Variants in EDC4 observed in about 807,000 individuals in gnomAD.
EDC4 encodes enhancer of mRNA decapping 4, also known as enhancer of mRNA-decapping protein 4.
In EDC4, 64 loss-of-function variants were observed where a neutral mutation model predicts 155.8. The observed-to-expected ratio is 0.41, with a 90% CI of 0.34 to 0.51. The LOEUF is 0.51. EDC4 is among the 20% of genes least tolerant of loss of function. The pLI is 0.19. For missense variants in EDC4, 1,303 were observed against 1,812.5 expected (o/e 0.72, Z 5.10); for synonymous variants, 684 against 716.8 (o/e 0.95, Z 0.73).
At position 67,876,165 on chromosome 16, in the gene EDC4, A is replaced by T. The variant is rs2058040522; in HGVS notation, c.239+64A>T. On this transcript the variant is annotated intron_variant, in intron 2 of 28. Transcript: ENST00000358933. The surrounding 1 kb of genome is among the most constrained non-coding windows in gnomAD (Gnocchi z 5.8). ...TTTGGGGTGTCTGCTAGCTGAAGGC[A>T]TGAGATGGGGAGTGAGCGGGGCCAG... The T allele has an allele frequency of 3.2e-6, 5 of 1,545,698 alleles. No homozygotes were observed. The South Asian group carries it at 5.7e-5, about 18-fold the overall frequency.
Position 67,880,849 on chromosome 16 carries a change from G to A in EDC4, c.2390G>A (p.Gly797Glu). The A allele has an allele frequency of 1.2e-6, 2 of 1,613,964 alleles. No individual in the cohort carries two copies. The highest frequency in any genetic ancestry group is 1.7e-6 in the Non-Finnish European group (2 of 1,179,994). ...CTCGGCCCCCAGCTCGGGCTTGATG[G>A]AGGCCCTGGGGATGGAGATCGGCAT... ...PELGPQLGLD[G>E]GPGDGDRHNT... Residue 797 changes from glycine (G) to glutamate (E), a missense_variant, in exon 18 of 29, where the codon GGA (glycine) becomes GAA (glutamate). Around this residue, in one of 5 missense-constraint regions of EDC4, gnomAD observed 391 missense variants for 445.4 expected, o/e 0.88. Transcript: ENST00000358933. The surrounding 1 kb of genome is among the most constrained non-coding windows in gnomAD (Gnocchi z 5.2).
At position 67,878,716 on chromosome 16, in the gene EDC4, C is replaced by T. The variant is rs756200124; in HGVS notation, c.1185-21C>T. ...TTCCTTCAGTTCTCAGGCTCATTCA[C>T]TCTGCTTTGTGGCTCTCTAGCTTCT... On this transcript the variant is annotated intron_variant, in intron 10 of 28. Transcript: ENST00000358933. This position sits in a 1 kb window ranked among gnomAD's most constrained non-coding sequence, Gnocchi z 5.2. 9.3e-6 allele frequency: 15 copies of T among 1,614,196 alleles called. No individual in the cohort carries two copies. The East Asian group carries it at 2.7e-4, about 29-fold the overall frequency.
Position 67,878,744 on chromosome 16 carries a change from C to T in EDC4, c.1192C>T (p.Pro398Ser). The change falls in exon 11 of 29, where the codon CCA (proline) becomes TCA (serine). Residue 398 changes from proline to serine, a missense_variant. Coordinates refer to ENST00000358933, the MANE Select transcript of EDC4 (RefSeq NM_014329.5). The surrounding 1 kb of genome is among the most constrained non-coding windows in gnomAD (Gnocchi z 5.2). ...TGCTTTGTGGCTCTCTAGCTTCTCC[C>T]CAGATATCTTCAGCTCAGTGAGTGT... ...WTCLQTIRFS[P>S]DIFSSVSVPP... 2 of 1,614,148 alleles carry T rather than the reference C, an allele frequency of 1.2e-6. No homozygotes were observed. The highest frequency in any genetic ancestry group is 1.7e-6 in the Non-Finnish European group (2 of 1,180,026).
In EDC4 at chr16:67,878,343, CATCTGCCT is replaced by C; in HGVS notation, c.1005-15_1005-8del. The C allele has an allele frequency of 1.2e-6, 2 of 1,614,244 alleles. No homozygotes were observed. Among genetic ancestry groups the C allele is most frequent in the South Asian group, 2.2e-5 (2 of 91,088 alleles). ...CACCCGACCACTCACTCAGGCCCCTCATCTGCCTACCTGCAGGTGTCTGCACGAGTGGA... is the reference window on the plus strand; with the variant it reads ...CACCCGACCACTCACTCAGGCCCCTCACCTGCAGGTGTCTGCACGAGTGGA... On this transcript the variant is annotated splice_polypyrimidine_tract_variant and intron_variant, in intron 8 of 28. Transcript: ENST00000358933. The surrounding 1 kb of genome is among the most constrained non-coding windows in gnomAD (Gnocchi z 5.2).
Position 67,878,535 on chromosome 16 carries a change from G to T in EDC4, c.1089-1G>T. The T allele has an allele frequency of 6.2e-7, 1 of 1,614,250 alleles. No homozygotes were observed. Among genetic ancestry groups the T allele is most frequent in the Non-Finnish European group, 8.5e-7 (1 of 1,180,032 alleles). On this transcript the variant is annotated splice_acceptor_variant, in intron 9 of 28. Transcript: ENST00000358933. LOFTEE classifies it high-confidence loss of function. This position sits in a 1 kb window ranked among gnomAD's most constrained non-coding sequence, Gnocchi z 5.2. ...TCACTCACTGCCTTGTTGCCTTGCA[G>T]TGTCCCTTTCTGGAGGTTCCTTATT...
At chr16:67,875,080 T>C (rs890985682) in intron 1 of EDC4, among the ~76,000 whole-genome samples, 3 of 152,198 alleles carry the variant, frequency 2.0e-5, no homozygotes, top group Admixed American at 2.0e-4. Flanking sequence ...ACTTGCTATG[T>C]TCTGAATGTG....
Position 67,882,099 on chromosome 16 carries a change from A to G in EDC4, c.3150A>G (p.Thr1050=). The G allele has an allele frequency of 6.2e-7, 1 of 1,613,864 alleles. No homozygotes were observed. The highest frequency in any genetic ancestry group is 1.7e-5 in the Admixed American group (1 of 59,984). Residue 1050 remains threonine (T), a synonymous_variant, in exon 23 of 29, where the codon ACA becomes ACG. Transcript: ENST00000358933. This position sits in a 1 kb window ranked among gnomAD's most constrained non-coding sequence, Gnocchi z 7.2. ...GCATACGGGATGAGATCAAGAAGACAGTCCCTCCATGTGAGTTTTGCATGC... is the reference window on the plus strand; with the variant it reads ...GCATACGGGATGAGATCAAGAAGACGGTCCCTCCATGTGAGTTTTGCATGC... ...ERSIRDEIKK[T]VPPCVSRSLE...
rs758199325 is a variant in EDC4, at chr16:67,879,879, C to T, written c.1851C>T (p.Ser617=). 3.1e-5 allele frequency: 50 copies of T among 1,611,316 alleles called. No individual in the cohort carries two copies. The African/African-American group carries it at 3.6e-4, about 12-fold the overall frequency. The change falls in exon 16 of 29, where the codon AGC becomes AGT. Residue 617 remains serine, a synonymous_variant. Transcript: ENST00000358933. The surrounding 1 kb of genome is among the most constrained non-coding windows in gnomAD (Gnocchi z 6.0). ...CTGCCTCTCCCAGCAGCAGCAGCAG[C>T]GGTAGCAGCAGCAGCAGCAGCAGTA... The part of the protein sequence containing the change: ...QITASPSSSS[S]GSSSSSSSSS...
chr16:67,878,639 G>A lies in EDC4; in HGVS notation c.1184+8G>A. On this transcript the variant is annotated splice_region_variant and intron_variant, in intron 10 of 28. Transcript: ENST00000358933. This position sits in a 1 kb window ranked among gnomAD's most constrained non-coding sequence, Gnocchi z 5.2. ...CTGCCTGCAGACTATTCGGTAAGCAGTGGCTGGAAGGCTGGGGGACTGGGC... is the reference window on the plus strand; with the variant it reads ...CTGCCTGCAGACTATTCGGTAAGCAATGGCTGGAAGGCTGGGGGACTGGGC... 6.2e-7 allele frequency: 1 copy of A among 1,614,232 alleles called. No individual in the cohort carries two copies.
At position 67,878,913 on chromosome 16, in the gene EDC4, G is replaced by A. The variant is rs1448786253; in HGVS notation, c.1288-44G>A. 1.9e-6 allele frequency: 3 copies of A among 1,610,930 alleles called. No homozygotes were observed. Among genetic ancestry groups the A allele is most frequent in the Admixed American group, 1.7e-5 (1 of 60,014 alleles). On this transcript the variant is annotated intron_variant, in intron 11 of 28. Coordinates refer to ENST00000358933, the MANE Select transcript of EDC4 (RefSeq NM_014329.5). This position sits in a 1 kb window ranked among gnomAD's most constrained non-coding sequence, Gnocchi z 5.2. ...GCCGGGGGGCAGGTGGCGCATCACA[G>A]CCCTTAGCCTCTGAGCTCAGCTAGG...
Position 67,882,843 on chromosome 16 carries a change from C to A in EDC4, c.3607C>A (p.Gln1203Lys). The A allele has an allele frequency of 6.2e-7, 1 of 1,614,150 alleles. No homozygotes were observed. The highest frequency in any genetic ancestry group is 8.5e-7 in the Non-Finnish European group (1 of 1,180,040). ...AGSVRAEVQH[Q>K]LHVAVGSLQE... The stretch of plus-strand genomic sequence containing the variant: ...CAGTGTTCGTGCTGAGGTGCAGCAC[C>A]AGCTGCATGTGGCTGTGGGCAGGTG... The change falls in exon 26 of 29, where the codon CAG becomes AAG. Residue 1203 changes from glutamine (Q) to lysine (K), a missense_variant. Transcript: ENST00000358933. The surrounding 1 kb of genome is among the most constrained non-coding windows in gnomAD (Gnocchi z 7.2).
Position 67,878,350 on chromosome 16 carries a change from C to T in EDC4, c.1005-10C>T. The T allele has an allele frequency of 6.2e-7, 1 of 1,614,254 alleles. No individual in the cohort carries two copies. On this transcript the variant is annotated splice_polypyrimidine_tract_variant and intron_variant, in intron 8 of 28. Coordinates refer to ENST00000358933, the MANE Select transcript of EDC4 (RefSeq NM_014329.5). This position sits in a 1 kb window ranked among gnomAD's most constrained non-coding sequence, Gnocchi z 5.2. ...CCACTCACTCAGGCCCCTCATCTGC[C>T]TACCTGCAGGTGTCTGCACGAGTGG...
chr16:67,878,060 A>T lies in EDC4; in HGVS notation c.895-106A>T. ...GAACCCTGTTCATTTAGTCAGTCAC[A>T]CAAGCATGCCAGTCCCACCGTGAGT... On this transcript the variant is annotated intron_variant, in intron 7 of 28. Transcript: ENST00000358933. This position sits in a 1 kb window ranked among gnomAD's most constrained non-coding sequence, Gnocchi z 5.2. 6.5e-7 allele frequency: 1 copy of T among 1,540,504 alleles called. No homozygotes were observed. Among genetic ancestry groups the T allele is most frequent in the South Asian group, 1.2e-5 (1 of 82,312 alleles).
chr16:67,881,886 G>C lies in EDC4; in HGVS notation c.3004+41G>C. The C allele has an allele frequency of 4.4e-6, 7 of 1,605,346 alleles. No individual in the cohort carries two copies. The highest frequency in any genetic ancestry group is 6.0e-6 in the Non-Finnish European group (7 of 1,172,996). ...GTAGCACAACATGGCATAGGGACGG[G>C]GGCAGCATTCTTGGCCTGGGAAGGA... On this transcript the variant is annotated intron_variant, in intron 22 of 28. Coordinates refer to ENST00000358933, the MANE Select transcript of EDC4 (RefSeq NM_014329.5). This position sits in a 1 kb window ranked among gnomAD's most constrained non-coding sequence, Gnocchi z 5.4.
In EDC4 at chr16:67,883,757, G is replaced by A. The variant is rs781240837; in HGVS notation, c.4013+26G>A. The A allele has an allele frequency of 4.0e-5, 64 of 1,612,362 alleles. No homozygotes were observed. Among genetic ancestry groups the A allele is most frequent in the Non-Finnish European group, 5.3e-5 (63 of 1,178,896 alleles). On this transcript the variant is annotated intron_variant, in intron 28 of 28. Coordinates refer to ENST00000358933, the MANE Select transcript of EDC4 (RefSeq NM_014329.5). The surrounding 1 kb of genome is among the most constrained non-coding windows in gnomAD (Gnocchi z 5.3). ...GTAAGTGGGGACAGCCAGGGATGGG[G>A]AGATGAGCTGGGGAGTGGGGCAGTG...
At position 67,882,217 on chromosome 16, in the gene EDC4, T is replaced by C; in HGVS notation, c.3166T>C (p.Ser1056Pro). ...EIKKTVPPCV[S>P]RSLEPMAGQL... ...ACCCTCTTCCCCTCTCCCAGGTGTC[T>C]CAAGGAGTCTGGAGCCTATGGCAGG... The change falls in exon 24 of 29, where the codon TCA becomes CCA. Residue 1056 changes from serine to proline, a missense_variant. This residue lies in a region of EDC4 where 527 missense variants were observed against 757.0 expected (regional missense o/e 0.70). Coordinates refer to ENST00000358933, the MANE Select transcript of EDC4 (RefSeq NM_014329.5). This position sits in a 1 kb window ranked among gnomAD's most constrained non-coding sequence, Gnocchi z 7.2. 6.2e-7 allele frequency: 1 copy of C among 1,613,768 alleles called. No homozygotes were observed. Among genetic ancestry groups the C allele is most frequent in the Non-Finnish European group, 8.5e-7 (1 of 1,179,844 alleles).
chr16:67,876,197 C>A lies in EDC4; in HGVS notation c.239+96C>A. On this transcript the variant is annotated intron_variant, in intron 2 of 28. Transcript: ENST00000358933. The surrounding 1 kb of genome is among the most constrained non-coding windows in gnomAD (Gnocchi z 5.8). ...GGGGAGTGAGCGGGGCCAGCAGCCT[C>A]TGCTGCTTCCTCTCTAGATGACCTG... 7.5e-7 allele frequency: 1 copy of A among 1,327,028 alleles called. No homozygotes were observed. The highest frequency in any genetic ancestry group is 1.1e-6 in the Non-Finnish European group (1 of 944,092). The allele number at this position is 1,327,028 out of a possible 1,614,324, so 82.2% of individuals were successfully genotyped here. A position where few individuals can be genotyped will look rare whatever the true frequency, so the allele number is the denominator to read the frequency against.
Position 67,882,156 on chromosome 16 carries a change from G to A in EDC4, c.3160+47G>A. On this transcript the variant is annotated intron_variant, in intron 23 of 28. Coordinates refer to ENST00000358933, the MANE Select transcript of EDC4 (RefSeq NM_014329.5). The surrounding 1 kb of genome is among the most constrained non-coding windows in gnomAD (Gnocchi z 7.2). Reference sequence around the variant, plus strand: ...CCTTTGGGTGGTTCAGGTGGGAGTGGGGTACCTGTCAAGCTTCTTCTCATG... The same window carrying A: ...CCTTTGGGTGGTTCAGGTGGGAGTGAGGTACCTGTCAAGCTTCTTCTCATG... 6.2e-7 allele frequency: 1 copy of A among 1,613,332 alleles called. No homozygotes were observed.
At position 67,882,142 on chromosome 16, in the gene EDC4, T is replaced by C; in HGVS notation, c.3160+33T>C. ...TTGCATGCAGACTCCCTTTGGGTGG[T>C]TCAGGTGGGAGTGGGGTACCTGTCA... is the stretch of plus-strand genomic sequence containing the variant. On this transcript the variant is annotated intron_variant, in intron 23 of 28. Coordinates refer to ENST00000358933, the MANE Select transcript of EDC4 (RefSeq NM_014329.5). This position sits in a 1 kb window ranked among gnomAD's most constrained non-coding sequence, Gnocchi z 7.2. 1.9e-6 allele frequency: 3 copies of C among 1,613,650 alleles called. No individual in the cohort carries two copies. The highest frequency in any genetic ancestry group is 2.5e-6 in the Non-Finnish European group (3 of 1,179,916).
Sources: gnomAD v4.1 joint callset for allele counts (sites outside exome capture counted in the v4.1 genomes callset) on GRCh38, gnomAD v4.1.1 for gene constraint, gnomAD v4.1.1 regional missense constraint, Gnocchi (gnomAD v3.1) non-coding constraint, MANE v1.5 for transcripts, NCBI Gene and HGNC (gene_info 2026-07-23, HGNC 2026-07-21) for gene names.